ADAMTS18: variants seen among roughly 807,000 people sequenced by gnomAD.
ADAMTS18 encodes the protein A disintegrin and metalloproteinase with thrombospondin motifs 18.
ADAMTS18 carries 157 observed loss-of-function variants against 165.9 expected under a neutral mutation model. The ratio of observed to expected loss-of-function variants is 0.95; its 90% CI spans 0.83 to 1.08. The LOEUF is 1.08. ADAMTS18 is among the 50% of genes least tolerant of loss of function. ADAMTS18 has a pLI of 0.00. For missense variants in ADAMTS18, 2,040 were observed against 1,534.0 expected (o/e 1.33, Z -5.51); for synonymous variants, 782 against 578.2 (o/e 1.35, Z -5.06).
At chr16:77,354,043 G>C (rs1043521382) in intron 9 of ADAMTS18, among the ~76,000 whole-genome samples, 157 bp from the exon 10 acceptor site, 1 of 152,196 alleles carries the variant, frequency 6.6e-6, no homozygotes, top group African/African-American at 2.4e-5. Context: ...ATGCCAAAGA[G>C]TGAGTCCTGT....
chr16:77,282,813 T>G lies in ADAMTS18; in HGVS notation c.*1143A>C, dbSNP rs1326468711. 1 of 152,362 alleles carries G rather than the reference T, an allele frequency of 6.6e-6. No homozygotes were observed. Among genetic ancestry groups the G allele is most frequent in the Non-Finnish European group, 1.5e-5 (1 of 67,990 alleles). The allele number at this position is 152,362 out of a possible 1,614,324, so 9.4% of individuals were successfully genotyped here. A position where few individuals can be genotyped will look rare whatever the true frequency, so the allele number is the denominator to read the frequency against. On this transcript the variant is annotated 3_prime_UTR_variant, in exon 23 of 23. Transcript: ENST00000282849. ...GATGACTGAAAATACTCTTATTCAG[T>G]GAGGGTCTTGTCATATTATGATTTA...
intron 12 of ADAMTS18, 62 bp downstream of exon 12, chr16:77,335,694 C>A (rs2056297540): frequency 6.3e-7 from 1 of 1,593,794 alleles, no homozygotes; most frequent in Non-Finnish European, 8.6e-7. Context: ...ACAAGAAAAA[C>A]CAGCGTGTTA....
intron 14 of ADAMTS18, among the ~76,000 whole-genome samples, chr16:77,321,988 T>C (rs914412693): frequency 6.6e-6 from 1 of 151,754 alleles, no homozygotes; most frequent in South Asian, 2.1e-4. Context: ...AAATCCCGTC[T>C]CTACTAAAAA....
chr16:77,382,857 C>T (rs189873465), intron 3 of ADAMTS18, among the ~76,000 whole-genome samples: 2 of 152,262 alleles, frequency 1.3e-5, no homozygotes, highest in Non-Finnish European at 2.9e-5. Context: ...GCTGGGTCTG[C>T]TAATAACACT....
rs776173160 is a variant in ADAMTS18, at chr16:77,362,238, T to G, written c.1083A>C (p.Ala361=). 1.2e-6 allele frequency: 2 copies of G among 1,614,184 alleles called. No individual in the cohort carries two copies. The highest frequency in any genetic ancestry group is 1.1e-5 in the South Asian group (1 of 91,086). The part of the protein sequence containing the change: ...EPGGLLINHH[A]DQSLNSFCQW... ...GACAAAAACTATTCAGAGACTGGTC[T>G]GCATGATGGTTGATCAATAATCCTC... The change falls in exon 7 of 23, where the codon GCA becomes GCC. Residue 361 remains alanine, a synonymous_variant. Coordinates refer to ENST00000282849, the MANE Select transcript of ADAMTS18 (RefSeq NM_199355.4).
At position 77,413,807 on chromosome 16, in the gene ADAMTS18, G is replaced by GAAAAA. The variant is rs34499809; in HGVS notation, c.495+17483_495+17487dup. 7.8e-4 allele frequency among the ~76,000 whole-genome samples: 97 copies of GAAAAA among 124,076 alleles called. 4 individuals are homozygous for GAAAAA. Among genetic ancestry groups the GAAAAA allele is most frequent in the South Asian group, 6.8e-3 (25 of 3,698 alleles). The allele number at this position is 124,076 out of a possible 152,430, so 81.4% of individuals were successfully genotyped here. The stretch of plus-strand genomic sequence containing the variant: ...ACACTTAATAAAGAGGTTTCCATCT[G>GAAAAA]AAAAAAAAAAAAAGCAAAAGTTAAT... On this transcript the variant is annotated intron_variant, in intron 3 of 22. Coordinates refer to ENST00000282849, the MANE Select transcript of ADAMTS18 (RefSeq NM_199355.4).
intron 2 of ADAMTS18, 150 bp from the exon 3 acceptor site, chr16:77,431,761 C>T: frequency 2.4e-6 from 2 of 847,972 alleles, no homozygotes; most frequent in East Asian, 2.5e-5. Flanking sequence ...CAGAGCAGCA[C>T]AGGCAGCAGA....
chr16:77,330,626 C>G (rs1371815432), intron 12 of ADAMTS18, among the ~76,000 whole-genome samples: 1 of 152,170 alleles, frequency 6.6e-6, no homozygotes, highest in Non-Finnish European at 1.5e-5. Flanking sequence ...CAATGAAAAA[C>G]AGGGCTTCCG....
chr16:77,392,800 C>T (rs2057206518), intron 3 of ADAMTS18, among the ~76,000 whole-genome samples: 1 of 152,114 alleles, frequency 6.6e-6, no homozygotes, highest in Non-Finnish European at 1.5e-5. Context: ...GCTAAAATTA[C>T]ATCTTTCTGA....
chr16:77,424,324 C>A (rs907878295), intron 3 of ADAMTS18, among the ~76,000 whole-genome samples: 2 of 152,162 alleles, frequency 1.3e-5, no homozygotes, highest in Admixed American at 6.5e-5. Flanking sequence ...CAAAATTAGC[C>A]GGACATGGCA....
intron 3 of ADAMTS18, among the ~76,000 whole-genome samples, chr16:77,378,513 A>C (rs1312009959): frequency 2.0e-5 from 3 of 152,016 alleles, no homozygotes; most frequent in Non-Finnish European, 4.4e-5. Flanking sequence ...TCAGGAGTTT[A>C]AGACTAGCCT....
intron 16 of ADAMTS18, among the ~76,000 whole-genome samples, chr16:77,305,837 T>G (rs965530681): frequency 6.6e-6 from 1 of 152,164 alleles, no homozygotes; most frequent in African/African-American, 2.4e-5. Flanking sequence ...CCTAAGATGC[T>G]AACTTCCTCT....
At chr16:77,418,352 A>C (rs997978074) in intron 3 of ADAMTS18, among the ~76,000 whole-genome samples, 3 of 152,214 alleles carry the variant, frequency 2.0e-5, no homozygotes, top group Non-Finnish European at 4.4e-5. Context: ...ATTGTGCTCT[A>C]TGAGTAGTTC....
chr16:77,434,314 T>C lies in ADAMTS18; in HGVS notation c.178+104A>G, dbSNP rs1169143374. 11 of 1,322,238 alleles carry C rather than the reference T, an allele frequency of 8.3e-6. 1 individual carries two copies. In the East Asian group the frequency reaches 2.5e-4, roughly 30 times the overall value. 81.9% of individuals were successfully genotyped at this position (1,322,238 alleles called of 1,614,324 possible). On this transcript the variant is annotated intron_variant, in intron 2 of 22. Transcript: ENST00000282849. ...AACCATTTCCAAGACAGCGCACACC[T>C]GCCAGGTTAGGGGGTGCGCTTTTCC...
intron 3 of ADAMTS18, among the ~76,000 whole-genome samples, chr16:77,385,289 C>G (rs1420731282): frequency 6.6e-6 from 1 of 152,230 alleles, no homozygotes; most frequent in East Asian, 1.9e-4. Context: ...TATCATTATC[C>G]AAATGTATTT....
In ADAMTS18 at chr16:77,322,404, C is replaced by T. The variant is rs142855321; in HGVS notation, c.2095G>A (p.Gly699Ser). 15 of 1,613,642 alleles carry T rather than the reference C, an allele frequency of 9.3e-6. No homozygotes were observed. Among genetic ancestry groups the T allele is most frequent in the Admixed American group, 3.3e-5 (2 of 59,952 alleles). The change falls in exon 14 of 23, where the codon GGC (glycine) becomes AGC (serine). Residue 699 changes from glycine (G) to serine (S), a missense_variant. Physicochemically the swap from Gly to Ser is moderately conservative, Grantham distance 56. Coordinates refer to ENST00000282849, the MANE Select transcript of ADAMTS18 (RefSeq NM_199355.4). ...CAGGGAGTTCCATCTTTCACTTTGC[C>T]GGACATTGCAAAAAAAAATTCAAAG... ...ENFEFFFAMS[G>S]KVKDGTPCSP...
At chr16:77,305,643 C>G (rs1338993907) in intron 16 of ADAMTS18, among the ~76,000 whole-genome samples, 1 of 152,264 alleles carries the variant, frequency 6.6e-6, no homozygotes, top group Non-Finnish European at 1.5e-5. Flanking sequence ...TTCGAAATGA[C>G]CCTGCAATCT....
At chr16:77,386,181 C>T (rs1466365269) in intron 3 of ADAMTS18, among the ~76,000 whole-genome samples, 1 of 152,134 alleles carries the variant, frequency 6.6e-6, no homozygotes, top group Non-Finnish European at 1.5e-5. Flanking sequence ...GCCTCGTGTA[C>T]ACTCAGCAGT....
intron 10 of ADAMTS18, among the ~76,000 whole-genome samples, chr16:77,350,189 A>G (rs1597155259): frequency 6.6e-6 from 1 of 152,222 alleles, no homozygotes; most frequent in Non-Finnish European, 1.5e-5. Flanking sequence ...GTCTTTCCAG[A>G]TAACAGAACC....
Sources: allele counts gnomAD v4.1 joint callset (sites outside exome capture counted in the v4.1 genomes callset), GRCh38; gene constraint gnomAD v4.1.1; transcripts MANE v1.5; gene names NCBI Gene and HGNC (gene_info 2026-07-23, HGNC 2026-07-21).